SUSD4: variants seen among roughly 807,000 people sequenced by gnomAD.
SUSD4 encodes the protein sushi domain containing 4, also known as sushi domain-containing protein 4.
SUSD4 carries 41 observed loss-of-function variants against 50.5 expected under a neutral mutation model. That is an observed-to-expected ratio of 0.81 (90% confidence interval 0.63 to 1.05). The LOEUF (loss-of-function observed/expected upper bound fraction) is 1.05. SUSD4 is among the 50% of genes least tolerant of loss of function. The pLI, the probability that SUSD4 is intolerant of heterozygous loss-of-function variation, is 0.00. For missense variants in SUSD4, 580 were observed against 634.7 expected (o/e 0.91, Z 0.93); for synonymous variants, 257 against 257.3 (o/e 1.00, Z 0.01).
intron 5 of SUSD4, among the ~76,000 whole-genome samples, chr1:223,251,282 C>A (rs1197509220): frequency 6.6e-6 from 1 of 152,206 alleles, no homozygotes; most frequent in African/African-American, 2.4e-5. Flanking sequence ...ATAATCATGG[C>A]AGAAGGCAAA....
chr1:223,222,197 G>A lies in SUSD4; in HGVS notation c.1468C>T (p.Pro490Ser), dbSNP rs749385142. 1.2e-5 allele frequency: 20 copies of A among 1,613,498 alleles called. No individual in the cohort carries two copies. The South Asian group carries it at 2.2e-4, about 18-fold the overall frequency. ...ADEIPLMEEDP is the reference protein window; with the variant it reads ...ADEIPLMEEDS The stretch of plus-strand genomic sequence containing the variant: ...CATCTGGATCTTGACCCATATTAGG[G>A]ATCTTCTTCCATTAGAGGAATCTCT... Residue 490 changes from proline to serine, a missense_variant, in exon 9 of 9, where the codon CCC (proline) becomes TCC (serine). Transcript: ENST00000366878.
At chr1:223,312,821 G>T (rs570256867) in intron 2 of SUSD4, among the ~76,000 whole-genome samples, 1 of 152,290 alleles carries the variant, frequency 6.6e-6, no homozygotes, top group African/African-American at 2.4e-5. Flanking sequence ...GGCAGATGAG[G>T]AAAGGAAGGC....
At position 223,227,731 on chromosome 1, in the gene SUSD4, C is replaced by G; in HGVS notation, c.924G>C (p.Thr308=). 6.2e-7 allele frequency: 1 copy of G among 1,611,558 alleles called. No individual in the cohort carries two copies. Among genetic ancestry groups the G allele is most frequent in the Non-Finnish European group, 8.5e-7 (1 of 1,178,866 alleles). Reference sequence around the variant, plus strand: ...GGAGGGTCTCATGGGTGCTGGGCCACGTTTGCTCTGCATGAGGGAGAACAA... The same window carrying G: ...GGAGGGTCTCATGGGTGCTGGGCCAGGTTTGCTCTGCATGAGGGAGAACAA... ...YQVYCIKSEQ[T]WPSTHETLLT... The change falls in exon 7 of 9, where the codon ACG becomes ACC. Residue 308 remains threonine, a synonymous_variant. Coordinates refer to ENST00000366878, the MANE Select transcript of SUSD4 (RefSeq NM_017982.4). The surrounding 1 kb of genome is among the most constrained non-coding windows in gnomAD (Gnocchi z 4.5).
intron 2 of SUSD4, among the ~76,000 whole-genome samples, chr1:223,354,626 C>A (rs891631616): frequency 5.3e-5 from 8 of 152,150 alleles, no homozygotes; most frequent in African/African-American, 1.2e-4. Flanking sequence ...GATGAGCCCC[C>A]CAACACACAC....
At chr1:223,356,832 G>A (rs1198116642) in intron 2 of SUSD4, among the ~76,000 whole-genome samples, 6 of 152,304 alleles carry the variant, frequency 3.9e-5, no homozygotes, top group Admixed American at 3.3e-4. Flanking sequence ...AAAAAAGAGA[G>A]AGAGAAATAC....
At chr1:223,297,387 C>T (rs1045879565) in intron 2 of SUSD4, among the ~76,000 whole-genome samples, 21 of 152,156 alleles carry the variant, frequency 1.4e-4, no homozygotes, top group African/African-American at 4.8e-4. Context: ...TGTCTCTACA[C>T]AGCAGGAAGA....
chr1:223,260,602 G>C (rs712858), intron 5 of SUSD4, among the ~76,000 whole-genome samples: 53,691 of 151,968 alleles, frequency 0.35, 9,786 homozygotes, highest in Non-Finnish European at 0.41. Context: ...CAGGGATGCA[G>C]GAAGCTCCTT....
At chr1:223,293,690 T>A (rs1664643951) in intron 2 of SUSD4, among the ~76,000 whole-genome samples, 1 of 152,158 alleles carries the variant, frequency 6.6e-6, no homozygotes, top group East Asian at 1.9e-4. Flanking sequence ...ACTGACTGGA[T>A]GTTGGAGTGA....
chr1:223,225,010 C>CTCGGCCG (rs1659418986), intron 7 of SUSD4, among the ~76,000 whole-genome samples: 2 of 151,778 alleles, frequency 1.3e-5, no homozygotes, highest in East Asian at 3.9e-4. Context: ...GCTGGGATTA[C>CTCGGCCG]AGGCATGCAC....
chr1:223,240,313 G>A (rs1007666072), intron 5 of SUSD4, among the ~76,000 whole-genome samples: 4 of 151,988 alleles, frequency 2.6e-5, no homozygotes, highest in African/African-American at 9.7e-5. Flanking sequence ...CTGGTTTTCC[G>A]AGCTTCCTGG....
intron 2 of SUSD4, among the ~76,000 whole-genome samples, chr1:223,337,662 C>A (rs1187239637): frequency 6.6e-6 from 1 of 152,206 alleles, no homozygotes; most frequent in Admixed American, 6.5e-5. Flanking sequence ...GAGCTGTGTA[C>A]CAAATCGTCA....
intron 5 of SUSD4, among the ~76,000 whole-genome samples, chr1:223,257,344 A>C (rs1336358137): frequency 6.6e-6 from 1 of 152,176 alleles, no homozygotes; most frequent in African/African-American, 2.4e-5. Flanking sequence ...TCTCTACAAA[A>C]ACATTTTTAC....
At chr1:223,348,559 T>G (rs1014569233) in intron 2 of SUSD4, among the ~76,000 whole-genome samples, 5 of 152,228 alleles carry the variant, frequency 3.3e-5, no homozygotes, top group African/African-American at 1.2e-4. Context: ...CAGGATGTTT[T>G]CAATTGCCTT....
chr1:223,281,513 A>G (rs1408271912), intron 3 of SUSD4, among the ~76,000 whole-genome samples: 1 of 152,220 alleles, frequency 6.6e-6, no homozygotes, highest in East Asian at 1.9e-4. Context: ...TCCTCGACAC[A>G]TACACTCTCC....
At chr1:223,240,720 C>A (rs540728909) in intron 5 of SUSD4, among the ~76,000 whole-genome samples, 219 of 152,272 alleles carry the variant, frequency 1.4e-3, no homozygotes, top group African/African-American at 5.1e-3. Flanking sequence ...TCCATTAGAG[C>A]CCTTAGCATA....
Position 223,221,384 on chromosome 1 carries a change from T to C in SUSD4, c.*808A>G, listed in dbSNP as rs1292284733. The C allele has an allele frequency of 3.2e-6, 1 of 310,958 alleles. No individual in the cohort carries two copies. Among genetic ancestry groups the C allele is most frequent in the East Asian group, 4.9e-5 (1 of 20,294 alleles). 19.3% of individuals were successfully genotyped at this position (310,958 alleles called of 1,614,324 possible). On this transcript the variant is annotated 3_prime_UTR_variant, in exon 9 of 9. Transcript: ENST00000366878. ...AACATTACCTTGGTTACTGTCTCCA[T>C]CATGAGATGTATTTGAACACATTCT...
intron 2 of SUSD4, among the ~76,000 whole-genome samples, chr1:223,339,261 G>T (rs1463650904): frequency 6.6e-6 from 1 of 152,200 alleles, no homozygotes; most frequent in Non-Finnish European, 1.5e-5. Context: ...TCAGAGGAAC[G>T]ATGGGGGTGG....
In SUSD4 at chr1:223,314,352, G is replaced by A. The variant is rs115028172; in HGVS notation, c.149-21701C>T. 1.3e-3 allele frequency among the ~76,000 whole-genome samples: 200 copies of A among 152,140 alleles called. 1 individual carries two copies. The highest frequency in any genetic ancestry group is 4.6e-3 in the African/African-American group (189 of 41,502). ...GGAAATCTGACCTCAGCGGGGTGGCGGAACAGAGCTGAAAGTTACATAGAT... is the reference window on the plus strand; with the variant it reads ...GGAAATCTGACCTCAGCGGGGTGGCAGAACAGAGCTGAAAGTTACATAGAT... On this transcript the variant is annotated intron_variant, in intron 2 of 8. Coordinates refer to ENST00000366878, the MANE Select transcript of SUSD4 (RefSeq NM_017982.4).
rs34874109 is a variant in SUSD4, at chr1:223,223,831, C to T, written c.1062-200G>A. Among the ~76,000 whole-genome samples, 5,293 of 152,292 alleles carry T rather than the reference C, an allele frequency of 0.035. 124 individuals are homozygous for T. Among genetic ancestry groups the T allele is most frequent in the Non-Finnish European group, 0.054 (3,670 of 68,012 alleles). ...GCTGCCATCCCGGCTGCCCATGCTC[C>T]GGAGAGAGGAGGTTTTCTTTTTGTC... On this transcript the variant is annotated intron_variant, in intron 7 of 8. Transcript: ENST00000366878.
Sources: gnomAD v4.1 joint callset for allele counts (sites outside exome capture counted in the v4.1 genomes callset) on GRCh38, gnomAD v4.1.1 for gene constraint, Gnocchi (gnomAD v3.1) non-coding constraint, MANE v1.5 for transcripts, NCBI Gene and HGNC (gene_info 2026-07-23, HGNC 2026-07-21) for gene names.